Variants in ARHGEF10L observed in about 807,000 individuals in gnomAD.
ARHGEF10L encodes the protein Rho guanine nucleotide exchange factor 10 like.
Under a neutral mutation model 141.2 loss-of-function variants are expected in ARHGEF10L, and 69 were observed. That is an observed-to-expected ratio of 0.49 (90% confidence interval 0.40 to 0.60). The LOEUF is 0.60. Among genes scored for constraint, ARHGEF10L ranks in the 20% least tolerant of loss-of-function variants. ARHGEF10L has a pLI of 0.00. For synonymous variants in ARHGEF10L, 711 were observed against 718.5 expected (o/e 0.99, Z 0.17); for missense variants, 1,482 against 1,734.3 (o/e 0.85, Z 2.58).
chr1:17,652,164 G>A (rs1238399007), intron 22 of ARHGEF10L, among the ~76,000 whole-genome samples: 1 of 152,204 alleles, frequency 6.6e-6, no homozygotes, highest in Non-Finnish European at 1.5e-5. Flanking sequence ...TGGCCACAGT[G>A]TAGACAGGGT....
chr1:17,519,942 C>T, the ARHGEF10L span, among the ~76,000 whole-genome samples: 1 of 152,216 alleles, frequency 6.6e-6, no homozygotes, highest in Non-Finnish European at 1.5e-5. Flanking sequence ...ATCTTTCTGA[C>T]TTCAAAGCAT....
intron 1 of ARHGEF10L, among the ~76,000 whole-genome samples, chr1:17,566,959 G>A (rs902122646): frequency 5.9e-5 from 9 of 152,198 alleles, no homozygotes; most frequent in African/African-American, 7.2e-5. Context: ...CAGAGTGAGG[G>A]AGCGGGGTCT....
At chr1:17,675,937 G>A (rs2063655955) in intron 26 of ARHGEF10L, among the ~76,000 whole-genome samples, 2 of 147,136 alleles carry the variant, frequency 1.4e-5, no homozygotes, top group South Asian at 2.2e-4. Context: ...TTTGTGTGCA[G>A]TCATGGGTAC....
At position 17,625,744 on chromosome 1, in the gene ARHGEF10L, C is replaced by A. The variant is rs2060345301; in HGVS notation, c.1318-212C>A. ...ACCTTAAGATGACTGCTTTAGTCTCCTGAGGGTGCGCGGCCATGCAGGGGC... is the reference window on the plus strand; with the variant it reads ...ACCTTAAGATGACTGCTTTAGTCTCATGAGGGTGCGCGGCCATGCAGGGGC... On this transcript the variant is annotated intron_variant, in intron 13 of 28. Coordinates refer to ENST00000361221, the MANE Select transcript of ARHGEF10L (RefSeq NM_018125.4). The surrounding 1 kb of genome is among the most constrained non-coding windows in gnomAD (Gnocchi z 4.5). 6.6e-6 allele frequency among the ~76,000 whole-genome samples: 1 copy of A among 152,184 alleles called. No individual in the cohort carries two copies. Among genetic ancestry groups the A allele is most frequent in the African/African-American group, 2.4e-5 (1 of 41,438 alleles).
At chr1:17,664,665 A>G in intron 26 of ARHGEF10L, 70 bp downstream of exon 26, 1 of 1,401,908 alleles carries the variant, frequency 7.1e-7, no homozygotes, top group South Asian at 1.6e-5. Context: ...TCTTATGTCC[A>G]CCCCGGCACC....
chr1:17,686,212 CAG>C (rs1442108844), intron 26 of ARHGEF10L, among the ~76,000 whole-genome samples: 3 of 152,092 alleles, frequency 2.0e-5, no homozygotes, highest in South Asian at 2.1e-4. Flanking sequence ...GCTGGATACA[CAG>C]AGTTACCTGA....
intron 15 of ARHGEF10L, among the ~76,000 whole-genome samples, chr1:17,631,270 C>A (rs1242459658): frequency 1.3e-5 from 2 of 152,122 alleles, no homozygotes; most frequent in African/African-American, 2.4e-5. Flanking sequence ...CCCTCCCTCC[C>A]AGAAAAAAAT....
chr1:17,689,922 AC>A (rs2064971292), intron 27 of ARHGEF10L: 1 of 444,452 alleles, frequency 2.2e-6, no homozygotes, highest in Non-Finnish European at 4.5e-6. Flanking sequence ...TGCCTGTACA[AC>A]CCTGACTTTA....
intron 27 of ARHGEF10L, among the ~76,000 whole-genome samples, chr1:17,693,208 G>A (rs1202437857): frequency 6.6e-6 from 1 of 152,196 alleles, no homozygotes; most frequent in African/African-American, 2.4e-5. Context: ...CCAGTGCTCG[G>A]AAGCCACATG....
chr1:17,678,737 G>C (rs1318988452), intron 26 of ARHGEF10L, among the ~76,000 whole-genome samples: 1 of 152,146 alleles, frequency 6.6e-6, no homozygotes, highest in African/African-American at 2.4e-5. Flanking sequence ...GATTAGTTTT[G>C]TTTTTAAAGG....
intron 14 of ARHGEF10L, 97 bp downstream of exon 14, chr1:17,626,145 C>A: frequency 2.8e-6 from 3 of 1,063,388 alleles, no homozygotes; most frequent in Non-Finnish European, 4.2e-6. Flanking sequence ...GGGCTCTTGT[C>A]CGTGATCCAT....
chr1:17,676,068 G>A (rs1279463341), intron 26 of ARHGEF10L, among the ~76,000 whole-genome samples: 7 of 148,460 alleles, frequency 4.7e-5, no homozygotes, highest in Non-Finnish European at 8.9e-5. Flanking sequence ...ATGGGTGCAG[G>A]TGTAGGTGCA....
chr1:17,581,816 A>G (rs796685008), intron 2 of ARHGEF10L, among the ~76,000 whole-genome samples: 12 of 146,344 alleles, frequency 8.2e-5, no homozygotes, highest in African/African-American at 3.0e-4. Flanking sequence ...AGCGTGTGCC[A>G]TGCCCTGCAC....
intron 27 of ARHGEF10L, among the ~76,000 whole-genome samples, chr1:17,688,466 G>A (rs113890950): frequency 9.8e-5 from 15 of 152,360 alleles, no homozygotes; most frequent in African/African-American, 2.9e-4. Context: ...GGGCCAGCAG[G>A]CATCAGCTAA....
chr1:17,580,690 G>A, intron 2 of ARHGEF10L, 58 bp downstream of exon 2: 1 of 1,605,750 alleles, frequency 6.2e-7, no homozygotes, highest in Non-Finnish European at 8.5e-7. Flanking sequence ...GGCCGCTGGG[G>A]GCCGGCGGAG....
chr1:17,643,323 G>A (rs2061422484), intron 21 of ARHGEF10L, among the ~76,000 whole-genome samples: 1 of 152,142 alleles, frequency 6.6e-6, no homozygotes, highest in African/African-American at 2.4e-5. Flanking sequence ...GGGATGTGGT[G>A]GGGGAGCCTG....
chr1:17,679,862 T>A (rs2063978635), intron 26 of ARHGEF10L, among the ~76,000 whole-genome samples: 1 of 152,004 alleles, frequency 6.6e-6, no homozygotes, highest in Admixed American at 6.6e-5. Context: ...GCAGAGTAGG[T>A]GAGGTGCTTG....
chr1:17,526,139 G>T, the ARHGEF10L span, among the ~76,000 whole-genome samples: 1 of 151,886 alleles, frequency 6.6e-6, no homozygotes, highest in Non-Finnish European at 1.5e-5. Flanking sequence ...TTGCTCAAAT[G>T]GATGGCTCCC....
At chr1:17,519,335 G>A in the ARHGEF10L span, among the ~76,000 whole-genome samples, 1 of 150,694 alleles carries the variant, frequency 6.6e-6, no homozygotes, top group Non-Finnish European at 1.5e-5. Flanking sequence ...AACTGGATGG[G>A]CACGTGGCTC....
Sources: allele counts gnomAD v4.1 joint callset (sites outside exome capture counted in the v4.1 genomes callset), GRCh38; gene constraint gnomAD v4.1.1; non-coding constraint Gnocchi (gnomAD v3.1); transcripts MANE v1.5; gene names NCBI Gene and HGNC (gene_info 2026-07-23, HGNC 2026-07-21).